The following SLC15A5 variants were observed in gnomAD, a reference collection of about 807,000 sequenced individuals.
SLC15A5 encodes solute carrier family 15 member 5, also known as Peptide/histidine transporter ENSP00000340402.
A neutral mutation model predicts 56.1 loss-of-function variants in SLC15A5; 58 were observed. The ratio of observed to expected loss-of-function variants is 1.03; its 90% CI spans 0.84 to 1.29. The LOEUF (loss-of-function observed/expected upper bound fraction) is 1.29, where lower values mean the gene tolerates loss of function less well. Among genes scored for constraint, SLC15A5 ranks in the 50% most tolerant of loss-of-function variants. The pLI is 0.00. For synonymous variants in SLC15A5, 264 were observed against 250.5 expected (o/e 1.05, Z -0.51); for missense variants, 681 against 672.1 (o/e 1.01, Z -0.15).
chr12:16,228,664 G>A (rs896407782), intron 5 of SLC15A5, among the ~76,000 whole-genome samples: 2 of 152,070 alleles, frequency 1.3e-5, no homozygotes, highest in African/African-American at 4.8e-5. Context: ...CTCCTCCTCA[G>A]CCTACTCAGT....
chr12:16,236,868 T>G (rs967079514), intron 5 of SLC15A5, among the ~76,000 whole-genome samples: 18 of 152,212 alleles, frequency 1.2e-4, no homozygotes, highest in Non-Finnish European at 2.6e-4. Flanking sequence ...ATACATTAAC[T>G]TCTATAATCT....
At chr12:16,247,032 G>T (rs73322969) in intron 3 of SLC15A5, among the ~76,000 whole-genome samples, 8,062 of 152,034 alleles carry the variant, frequency 0.053, 330 homozygotes, top group African/African-American at 0.11. Flanking sequence ...TTTATTATTA[G>T]ATTCAACAGA....
In SLC15A5 at chr12:16,237,890, C is replaced by T. The variant is rs985791253; in HGVS notation, c.1162+1791G>A. 6.6e-6 allele frequency among the ~76,000 whole-genome samples: 1 copy of T among 152,160 alleles called. No individual in the cohort carries two copies. The highest frequency in any genetic ancestry group is 2.4e-5 in the African/African-American group (1 of 41,446). ...ATCATGGACTTGCTGAAGGTATATA[C>T]AAACCATGTCTTACTTTTCCTTTTT... On this transcript the variant is annotated intron_variant, in intron 5 of 8. Coordinates refer to ENST00000344941, the MANE Select transcript of SLC15A5 (RefSeq NM_001170798.1). This position sits in a 1 kb window ranked among gnomAD's most constrained non-coding sequence, Gnocchi z 4.1.
At chr12:16,195,828 C>G (rs911922687) in intron 7 of SLC15A5, among the ~76,000 whole-genome samples, 1 of 151,990 alleles carries the variant, frequency 6.6e-6, no homozygotes, top group Admixed American at 6.6e-5. Flanking sequence ...ATTAATTGTG[C>G]CACTTCCCAT....
chr12:16,267,050 C>T (rs4417354), intron 2 of SLC15A5, among the ~76,000 whole-genome samples: 1 of 152,094 alleles, frequency 6.6e-6, no homozygotes, highest in Non-Finnish European at 1.5e-5. Flanking sequence ...TTTGTCATTT[C>T]TTAGACTGGC....
chr12:16,198,416 A>C (rs2136238948), intron 7 of SLC15A5, among the ~76,000 whole-genome samples: 1 of 152,232 alleles, frequency 6.6e-6, no homozygotes, highest in Admixed American at 6.5e-5. Context: ...TTAGAGACAA[A>C]GGATTGTAGA....
At chr12:16,213,895 A>G (rs2136245192) in intron 7 of SLC15A5, among the ~76,000 whole-genome samples, 1 of 152,260 alleles carries the variant, frequency 6.6e-6, no homozygotes, top group African/African-American at 2.4e-5. Context: ...TTTGTACTGT[A>G]TCTAGAATAT....
chr12:16,244,637 G>C lies in SLC15A5; in HGVS notation c.918C>G (p.Phe306Leu). The change falls in exon 4 of 9, where the codon TTC becomes TTG. Residue 306 changes from phenylalanine to leucine, a missense_variant. Transcript: ENST00000344941. ...AAATGAAGAGAGGGAGAAGGGTGAG[G>C]AAAAATGTTGTGTCTTCTACATGGA... ...SELHVEDTTF[F>L]LTLLPLFIFQ... The C allele has an allele frequency of 6.5e-7, 1 of 1,537,614 alleles. No homozygotes were observed. Among genetic ancestry groups the C allele is most frequent in the Non-Finnish European group, 8.7e-7 (1 of 1,147,008 alleles).
intron 6 of SLC15A5, among the ~76,000 whole-genome samples, chr12:16,217,672 T>C (rs904654751): frequency 6.6e-6 from 1 of 152,170 alleles, no homozygotes; most frequent in African/African-American, 2.4e-5. Flanking sequence ...TCCTGGGTCC[T>C]GAATAAGGGT....
Position 16,244,696 on chromosome 12 carries a change from C to T in SLC15A5, c.859G>A (p.Ala287Thr), listed in dbSNP as rs1864444771. 1 of 1,537,426 alleles carries T rather than the reference C, an allele frequency of 6.5e-7. No homozygotes were observed. The highest frequency in any genetic ancestry group is 1.4e-5 in the African/African-American group (1 of 73,006). The stretch of plus-strand genomic sequence containing the variant: ...TAGCAGCCACCATTTTTTTCTTTGG[C>T]ATGGTCTAACTGGCTTGTCACGTCT... ...GRDVTSQLDH[A>T]KEKNGGCYSE... Residue 287 changes from alanine to threonine, a missense_variant, in exon 4 of 9, where the codon GCC (alanine) becomes ACC (threonine). Ala to Thr is a moderately conservative substitution (Grantham distance 58). Coordinates refer to ENST00000344941, the MANE Select transcript of SLC15A5 (RefSeq NM_001170798.1).
intron 2 of SLC15A5, among the ~76,000 whole-genome samples, chr12:16,266,713 A>G (rs1864700903): frequency 6.6e-6 from 1 of 152,218 alleles, no homozygotes; most frequent in South Asian, 2.1e-4. Context: ...GACTCCTTTC[A>G]TCTCATAGCT....
At chr12:16,250,609 T>C (rs916368134) in intron 3 of SLC15A5, among the ~76,000 whole-genome samples, 2 of 151,932 alleles carry the variant, frequency 1.3e-5, no homozygotes, top group African/African-American at 4.8e-5. Context: ...GCAATGAAGA[T>C]GGCGTCTAAA....
intron 8 of SLC15A5, among the ~76,000 whole-genome samples, 184 bp from the exon 9 acceptor site, chr12:16,189,999 G>A (rs1465069183): frequency 6.6e-6 from 1 of 152,132 alleles, no homozygotes; most frequent in Non-Finnish European, 1.5e-5. Context: ...AGGAGTTTTT[G>A]TGACTTAGTA....
intron 8 of SLC15A5, among the ~76,000 whole-genome samples, chr12:16,191,093 G>A (rs1183485619): frequency 1.8e-4 from 28 of 152,052 alleles, no homozygotes; most frequent in Admixed American, 1.6e-3. Flanking sequence ...AAAGCCTCGA[G>A]TATGACATGT....
intron 5 of SLC15A5, among the ~76,000 whole-genome samples, chr12:16,227,582 G>A (rs1209675714): frequency 6.6e-6 from 1 of 152,136 alleles, no homozygotes; most frequent in Non-Finnish European, 1.5e-5. Flanking sequence ...ATGAGCAAAG[G>A]GACAGCGTTG....
At chr12:16,257,900 A>G (rs753894352) in intron 2 of SLC15A5, 30 bp from the exon 3 acceptor site, 2 of 1,365,364 alleles carry the variant, frequency 1.5e-6, no homozygotes, top group Non-Finnish European at 9.4e-7. Flanking sequence ...AAAAATAAAA[A>G]TACCATTGAA....
chr12:16,226,442 A>G (rs928387422), intron 5 of SLC15A5, among the ~76,000 whole-genome samples: 6 of 152,174 alleles, frequency 3.9e-5, no homozygotes, highest in Admixed American at 3.3e-4. Context: ...GATAACTTTC[A>G]TAAAAAAGAT....
intron 7 of SLC15A5, among the ~76,000 whole-genome samples, chr12:16,206,735 A>C (rs1864023684): frequency 6.6e-6 from 1 of 152,176 alleles, no homozygotes; most frequent in Non-Finnish European, 1.5e-5. Flanking sequence ...TCACGACTTT[A>C]ATGTGCATTT....
chr12:16,193,892 C>A (rs1403286834), intron 8 of SLC15A5, among the ~76,000 whole-genome samples: 2 of 145,682 alleles, frequency 1.4e-5, no homozygotes, highest in Non-Finnish European at 3.0e-5. Context: ...CATATTAAGC[C>A]ACTCTCAGGT....
Sources: allele counts gnomAD v4.1 joint callset (sites outside exome capture counted in the v4.1 genomes callset), GRCh38; gene constraint gnomAD v4.1.1; non-coding constraint Gnocchi (gnomAD v3.1); transcripts MANE v1.5; gene names NCBI Gene and HGNC (gene_info 2026-07-23, HGNC 2026-07-21).